Variants in BNC2 observed in about 807,000 individuals in gnomAD.
The protein encoded by BNC2 is basonuclin zinc finger protein 2.
In BNC2, 20 loss-of-function variants were observed where a neutral mutation model predicts 76.3. The ratio of observed to expected loss-of-function variants is 0.26; its 90% CI spans 0.18 to 0.38. The LOEUF is 0.38. Among genes scored for constraint, BNC2 ranks in the 10% least tolerant of loss-of-function variants. The pLI, the probability that BNC2 is intolerant of heterozygous loss-of-function variation, is 1.00. For missense variants in BNC2, 1,382 were observed against 1,399.8 expected (o/e 0.99, Z 0.20); for synonymous variants, 582 against 514.8 (o/e 1.13, Z -1.77).
rs182579506 is a variant in BNC2 at position 16,836,310 on chromosome 9, C to T, written c.3+34336G>A. 2.2e-3 allele frequency among the ~76,000 whole-genome samples: 336 copies of T among 152,012 alleles called. 2 individuals carry two copies. Among genetic ancestry groups the T allele is most frequent in the African/African-American group, 7.9e-3 (326 of 41,434 alleles). On this transcript the variant is annotated intron_variant, in intron 1 of 6. Coordinates refer to ENST00000380672, the MANE Select transcript of BNC2 (RefSeq NM_017637.6). ...CTGATTTAAATGAAGAATCAGAGGT[C>T]GTTTTTTTAGGGTATAATCAATTAT...
At chr9:16,716,448 A>C (rs533329686) in intron 3 of BNC2, among the ~76,000 whole-genome samples, 26 of 152,148 alleles carry the variant, frequency 1.7e-4, no homozygotes, top group Non-Finnish European at 3.8e-4. Flanking sequence ...GCACTTCTTT[A>C]TATCTACTTT....
intron 4 of BNC2, among the ~76,000 whole-genome samples, chr9:16,573,979 A>C (rs1414310768): frequency 6.6e-6 from 1 of 152,200 alleles, no homozygotes; most frequent in African/African-American, 2.4e-5. Context: ...ACACTTCAGT[A>C]AAGAGGGGAG....
At chr9:16,749,563 G>C (rs1227028979) in intron 1 of BNC2, among the ~76,000 whole-genome samples, 4 of 152,140 alleles carry the variant, frequency 2.6e-5, no homozygotes, top group Non-Finnish European at 5.9e-5. Context: ...ACCCAGGTGT[G>C]GTGGCACATG....
rs1305323929 is a variant in BNC2, at chr9:16,798,796, AAATAT to A, written c.4-60316_4-60312del. Among the ~76,000 whole-genome samples, 7 of 152,192 alleles carry A rather than the reference AAATAT, an allele frequency of 4.6e-5. No homozygotes were observed. The East Asian group carries it at 1.3e-3, about 29-fold the overall frequency. ...CACAACTACACTGAATGGGCAATATAAATATAATAAACATATGCCCACAGAGAGCA... is the reference window on the plus strand; with the variant it reads ...CACAACTACACTGAATGGGCAATATAAATAAACATATGCCCACAGAGAGCA... On this transcript the variant is annotated intron_variant, in intron 1 of 6. Coordinates refer to ENST00000380672, the MANE Select transcript of BNC2 (RefSeq NM_017637.6).
chr9:16,473,295 G>A lies in BNC2; in HGVS notation c.670-35771C>T, dbSNP rs75729945. 2.8e-3 allele frequency: 434 copies of A among 152,318 alleles called. 1 individual carries two copies. Among genetic ancestry groups the A allele is most frequent in the African/African-American group, 9.5e-3 (396 of 41,562 alleles). The allele number at this position is 152,318 out of a possible 1,614,324, so 9.4% of individuals were successfully genotyped here. A position where few individuals can be genotyped will look rare whatever the true frequency, so the allele number is the denominator to read the frequency against. On this transcript the variant is annotated intron_variant, in intron 5 of 6. Transcript: ENST00000380672. ...TTCAAATTTCTCATCTTCAGAAGGG[G>A]ATCCTACTTTTTTCCCTTGTGGGGT...
At chr9:16,834,767 T>C (rs917608622) in intron 1 of BNC2, among the ~76,000 whole-genome samples, 4 of 152,168 alleles carry the variant, frequency 2.6e-5, no homozygotes, top group Admixed American at 2.0e-4. Flanking sequence ...GTCCTATATA[T>C]AGTAAGCACT....
At chr9:16,754,342 C>T (rs371476413) in intron 1 of BNC2, among the ~76,000 whole-genome samples, 3 of 152,180 alleles carry the variant, frequency 2.0e-5, no homozygotes, top group African/African-American at 7.2e-5. Flanking sequence ...GCCTCCTCCA[C>T]CAAGTGCAGA....
At chr9:16,707,271 C>T (rs1823707880) in intron 3 of BNC2, among the ~76,000 whole-genome samples, 1 of 151,234 alleles carries the variant, frequency 6.6e-6, no homozygotes, top group African/African-American at 2.4e-5. Flanking sequence ...TATCAATGTG[C>T]ATATTCAAAT....
intron 3 of BNC2, chr9:16,685,493 C>A: frequency 8.5e-7 from 1 of 1,175,266 alleles, no homozygotes; most frequent in Non-Finnish European, 1.1e-6. Context: ...CTTTCCAGGA[C>A]CACTGTTTCT....
At chr9:16,597,878 G>C (rs150400419) in intron 3 of BNC2, among the ~76,000 whole-genome samples, 18 of 151,986 alleles carry the variant, frequency 1.2e-4, no homozygotes, top group African/African-American at 4.3e-4. Context: ...TCCGTGCCTG[G>C]TTTTCGGGGC....
chr9:16,420,176 T>C (rs9298763), intron 6 of BNC2, among the ~76,000 whole-genome samples: 62,625 of 151,896 alleles, frequency 0.41, 13,283 homozygotes, highest in South Asian at 0.56. Context: ...AATTTAGATA[T>C]AACTTCAAAA....
chr9:16,459,020 CA>C (rs1310027483), intron 5 of BNC2, among the ~76,000 whole-genome samples: 1 of 152,164 alleles, frequency 6.6e-6, no homozygotes, highest in Non-Finnish European at 1.5e-5. Context: ...AAGGGTGAAG[CA>C]AGTACAGAAA....
chr9:16,861,635 C>G (rs888610515), intron 1 of BNC2, among the ~76,000 whole-genome samples: 7 of 152,072 alleles, frequency 4.6e-5, no homozygotes, highest in Admixed American at 4.6e-4. Context: ...TTCATAGTCA[C>G]TAGTATGATT....
Position 16,415,306 on chromosome 9 carries a change from A to G in BNC2, c.*3683T>C, listed in dbSNP as rs1820562207. On this transcript the variant is annotated 3_prime_UTR_variant, in exon 7 of 7. Coordinates refer to ENST00000380672, the MANE Select transcript of BNC2 (RefSeq NM_017637.6). The stretch of plus-strand genomic sequence containing the variant: ...TTCCATAGCATGCAGATATTCCCGA[A>G]AGCGGACTAAACCTGATATTTACAA... The G allele has an allele frequency of 6.6e-6, 1 of 152,646 alleles. No homozygotes were observed. The highest frequency in any genetic ancestry group is 1.5e-5 in the Non-Finnish European group (1 of 68,040). 9.5% of individuals were successfully genotyped at this position (152,646 alleles called of 1,614,324 possible).
chr9:16,584,456 T>C (rs1819714740), intron 3 of BNC2, among the ~76,000 whole-genome samples: 1 of 152,192 alleles, frequency 6.6e-6, no homozygotes, highest in Non-Finnish European at 1.5e-5. Flanking sequence ...TTAATTAATA[T>C]TAAATCTATG....
chr9:16,487,259 G>A (rs980692526), intron 5 of BNC2, among the ~76,000 whole-genome samples: 7 of 152,242 alleles, frequency 4.6e-5, no homozygotes, highest in East Asian at 3.9e-4. Context: ...TAAGTCTGTC[G>A]GCTGGGGGTG....
intron 5 of BNC2, among the ~76,000 whole-genome samples, chr9:16,541,275 AG>A (rs1190360652): frequency 6.6e-6 from 1 of 152,206 alleles, no homozygotes; most frequent in African/African-American, 2.4e-5. Flanking sequence ...AAGAAAGGAA[AG>A]GGGGAAAAAG....
chr9:16,669,219 A>G (rs985147585), intron 3 of BNC2, among the ~76,000 whole-genome samples: 7 of 152,220 alleles, frequency 4.6e-5, no homozygotes, highest in Admixed American at 2.0e-4. Flanking sequence ...ACTGCCATAT[A>G]TTGAAAGTGA....
At position 16,709,019 on chromosome 9, in the gene BNC2, A is replaced by C. The variant is rs527779270; in HGVS notation, c.330+18778T>G. On this transcript the variant is annotated intron_variant, in intron 3 of 6. Coordinates refer to ENST00000380672, the MANE Select transcript of BNC2 (RefSeq NM_017637.6). ...ATCTGTGTCAGCGATTTGACTTCTT[A>C]AATTTATCAAAAACGCACGCAAAGG... is the stretch of plus-strand genomic sequence containing the variant. Among the ~76,000 whole-genome samples the C allele has an allele frequency of 7.2e-5, 11 of 152,306 alleles. No homozygotes were observed. In the South Asian group the frequency reaches 1.9e-3, roughly 26 times the overall value.
Sources: allele counts gnomAD v4.1 joint callset (sites outside exome capture counted in the v4.1 genomes callset), GRCh38; gene constraint gnomAD v4.1.1; transcripts MANE v1.5; gene names NCBI Gene and HGNC (gene_info 2026-07-23, HGNC 2026-07-21).